The following PPP2R5E variants were observed in gnomAD, a reference collection of about 807,000 sequenced individuals.
PPP2R5E encodes protein phosphatase 2 regulatory subunit B'epsilon, also known as serine/threonine-protein phosphatase 2A 56 kDa regulatory subunit epsilon isoform.
A neutral mutation model predicts 65.3 loss-of-function variants in PPP2R5E; 4 were observed. The observed-to-expected ratio is 0.06, with a 90% CI of 0.03 to 0.14. The LOEUF (loss-of-function observed/expected upper bound fraction) is 0.14, where lower values mean the gene tolerates loss of function less well. Ranked by LOEUF, PPP2R5E falls within the 10% of genes least tolerant of loss-of-function variation. PPP2R5E has a pLI of 1.00. For synonymous variants in PPP2R5E, 183 were observed against 187.4 expected, an observed-to-expected ratio of 0.98 and a Z score of 0.19; for missense variants, 274 against 556.1, an observed-to-expected ratio of 0.49 and a Z score of 5.10.
intron 4 of PPP2R5E, among the ~76,000 whole-genome samples, chr14:63,417,432 T>C (rs1292655461): frequency 6.7e-6 from 1 of 149,990 alleles, no homozygotes; most frequent in Non-Finnish European, 1.5e-5. Flanking sequence ...TACCCAAGCC[T>C]GAATAATCAT....
At chr14:63,389,474 C>G (rs1341480744) in intron 11 of PPP2R5E, 138 bp downstream of exon 11, 8 of 1,011,728 alleles carry the variant, frequency 7.9e-6, no homozygotes, top group Non-Finnish European at 6.8e-6. Context: ...ATAAGCTGGC[C>G]ACTATTAAAA....
chr14:63,538,970 G>GATCATACTAAACAAGTATGATC (rs1893781235), intron 2 of PPP2R5E, among the ~76,000 whole-genome samples: 2 of 152,036 alleles, frequency 1.3e-5, no homozygotes, highest in Non-Finnish European at 2.9e-5. Flanking sequence ...TCAAAGAAAA[G>GATCATACTAAACAAGTATGATC]ATCATACTAA....
At position 63,374,665 on chromosome 14, in the gene PPP2R5E, A is replaced by ATC. The variant is rs1566657182; in HGVS notation, c.*1343_*1344insGA. 1 of 136,948 alleles carries ATC rather than the reference A, an allele frequency of 7.3e-6. No homozygotes were observed. Among genetic ancestry groups the ATC allele is most frequent in the Non-Finnish European group, 1.5e-5 (1 of 65,428 alleles). 8.5% of individuals were successfully genotyped at this position (136,948 alleles called of 1,614,324 possible). ...TATATATATATATATATATATATAT[A>ATC]TATAAAATACAGCCCTAGATTTTGT... On this transcript the variant is annotated 3_prime_UTR_variant, in exon 14 of 14. Transcript: ENST00000337537.
At chr14:63,490,218 T>C (rs72714287) in intron 2 of PPP2R5E, among the ~76,000 whole-genome samples, 1 of 152,062 alleles carries the variant, frequency 6.6e-6, no homozygotes, top group East Asian at 1.9e-4. Context: ...CTGGGAAAAC[T>C]GGCTAACCAT....
intron 3 of PPP2R5E, among the ~76,000 whole-genome samples, chr14:63,425,868 G>A (rs1212320939): frequency 6.6e-6 from 1 of 152,186 alleles, no homozygotes; most frequent in Non-Finnish European, 1.5e-5. Flanking sequence ...TTCTGACTTA[G>A]TCAAAACTTC....
intron 3 of PPP2R5E, among the ~76,000 whole-genome samples, chr14:63,429,422 T>C (rs1887504557): frequency 6.6e-6 from 1 of 152,214 alleles, no homozygotes; most frequent in Non-Finnish European, 1.5e-5. Flanking sequence ...TGAATGATGA[T>C]AAACAGAAAA....
At chr14:63,519,143 G>A (rs1459830668) in intron 2 of PPP2R5E, among the ~76,000 whole-genome samples, 2 of 152,118 alleles carry the variant, frequency 1.3e-5, no homozygotes, top group Non-Finnish European at 2.9e-5. Flanking sequence ...GAACCTGGGA[G>A]GCAGAGGTTG....
intron 2 of PPP2R5E, among the ~76,000 whole-genome samples, chr14:63,478,547 T>C (rs1223123195): frequency 6.6e-6 from 1 of 151,980 alleles, no homozygotes; most frequent in Non-Finnish European, 1.5e-5. Flanking sequence ...TTTGCTTCAA[T>C]TTCCTGCAAC....
At chr14:63,494,441 G>A (rs766271956) in intron 2 of PPP2R5E, among the ~76,000 whole-genome samples, 4 of 151,748 alleles carry the variant, frequency 2.6e-5, no homozygotes, top group African/African-American at 9.7e-5. Context: ...TACCAGGTTG[G>A]CCAGCCTGGT....
chr14:63,508,135 T>C, intron 2 of PPP2R5E: 1 of 985,060 alleles, frequency 1.0e-6, no homozygotes, highest in East Asian at 1.1e-4. Flanking sequence ...ACGAGTGTTC[T>C]CTTCCAGCCC....
intron 11 of PPP2R5E, among the ~76,000 whole-genome samples, chr14:63,388,387 C>T (rs1884806397): frequency 6.6e-6 from 1 of 152,186 alleles, no homozygotes; most frequent in Non-Finnish European, 1.5e-5. Context: ...GATCCACCCG[C>T]CTCAGCCTCC....
intron 2 of PPP2R5E, among the ~76,000 whole-genome samples, chr14:63,535,517 A>C (rs1270268419): frequency 6.6e-6 from 1 of 152,256 alleles, no homozygotes; most frequent in Non-Finnish European, 1.5e-5. Flanking sequence ...GAATTAATGC[A>C]GTATTATTTA....
intron 2 of PPP2R5E, among the ~76,000 whole-genome samples, chr14:63,497,547 G>A (rs1255623): frequency 0.031 from 4,785 of 151,984 alleles, 232 homozygotes; most frequent in African/African-American, 0.11. Flanking sequence ...TCAGGAGTTC[G>A]AGACCAGCCT....
At chr14:63,467,366 T>C (rs1425777913) in intron 2 of PPP2R5E, among the ~76,000 whole-genome samples, 2 of 152,194 alleles carry the variant, frequency 1.3e-5, no homozygotes, top group African/African-American at 2.4e-5. Flanking sequence ...AGTGCAATTC[T>C]AAGCACAGCC....
In PPP2R5E at chr14:63,520,984, A is replaced by T. The variant is rs1319823154; in HGVS notation, c.157+18545T>A. 2.6e-5 allele frequency among the ~76,000 whole-genome samples: 4 copies of T among 151,704 alleles called. No individual in the cohort carries two copies. The South Asian group carries it at 8.3e-4, about 32-fold the overall frequency. Reference sequence around the variant, plus strand: ...AACCAGGGAGGTAGAGCTTGCAGTGAGCCAAGATCGCGCCACTGCACTCCA... The same window carrying T: ...AACCAGGGAGGTAGAGCTTGCAGTGTGCCAAGATCGCGCCACTGCACTCCA... On this transcript the variant is annotated intron_variant, in intron 2 of 13. Transcript: ENST00000337537.
In PPP2R5E at chr14:63,374,634, G is replaced by GATTTTATATATATATATATAT. The variant is rs1555353678; in HGVS notation, c.*1374_*1375insATATATATATATATATAAAAT. On this transcript the variant is annotated 3_prime_UTR_variant, in exon 14 of 14. Transcript: ENST00000337537. ...TAAATACAAAGCAGAGAGCCAATAAGATATATATATATATATATATATATA... is the reference window on the plus strand; with the variant it reads ...TAAATACAAAGCAGAGAGCCAATAAGATTTTATATATATATATATATATATATATATATATATATATATATA... 1.8e-5 allele frequency: 2 copies of GATTTTATATATATATATATAT among 109,576 alleles called. No individual in the cohort carries two copies. The highest frequency in any genetic ancestry group is 9.7e-5 in the African/African-American group (2 of 20,676). The allele number at this position is 109,576 out of a possible 1,614,324, so 6.8% of individuals were successfully genotyped here.
intron 3 of PPP2R5E, among the ~76,000 whole-genome samples, chr14:63,439,506 C>T (rs1452968868): frequency 6.6e-6 from 1 of 152,230 alleles, no homozygotes; most frequent in East Asian, 1.9e-4. Flanking sequence ...TCCACAGTAG[C>T]TGGGATTACA....
chr14:63,441,647 C>T (rs963563405), intron 3 of PPP2R5E, among the ~76,000 whole-genome samples: 3 of 152,196 alleles, frequency 2.0e-5, no homozygotes, highest in African/African-American at 7.2e-5. Context: ...CGCGGTGGTT[C>T]ACGCCTGTAA....
chr14:63,503,264 G>A (rs1448797517), intron 2 of PPP2R5E, among the ~76,000 whole-genome samples: 2 of 152,150 alleles, frequency 1.3e-5, no homozygotes, highest in South Asian at 2.1e-4. Context: ...GAGCCCTAAG[G>A]AGACAGAAGA....
Sources: gnomAD v4.1 joint callset for allele counts (sites outside exome capture counted in the v4.1 genomes callset) on GRCh38, gnomAD v4.1.1 for gene constraint, MANE v1.5 for transcripts, NCBI Gene and HGNC (gene_info 2026-07-23, HGNC 2026-07-21) for gene names.